KLRG1: variants seen among roughly 807,000 people sequenced by gnomAD.
The protein encoded by KLRG1 is killer cell lectin-like receptor subfamily G member 1.
KLRG1 carries 16 observed loss-of-function variants against 21.8 expected under a neutral mutation model. The ratio of observed to expected loss-of-function variants is 0.73; its 90% CI spans 0.50 to 1.11. The LOEUF is 1.11. KLRG1 is among the 50% of genes most tolerant of loss of function. The probability of loss-of-function intolerance (pLI) is 0.00; values close to 1 mark genes in which losing one functional copy is unlikely to be tolerated. For missense variants in KLRG1, 173 were observed against 218.3 expected (o/e 0.79, Z 1.31); for synonymous variants, 69 against 75.9 (o/e 0.91, Z 0.47).
intron 1 of KLRG1, among the ~76,000 whole-genome samples, chr12:8,962,736 A>G (rs1462950079): frequency 6.6e-6 from 1 of 151,550 alleles, no homozygotes; most frequent in Non-Finnish European, 1.5e-5. Flanking sequence ...AAAAAAAGAA[A>G]GAAAGAAAAA....
At chr12:9,002,964 A>G (rs748106818) in intron 3 of KLRG1, among the ~76,000 whole-genome samples, 2 of 150,724 alleles carry the variant, frequency 1.3e-5, no homozygotes, top group Admixed American at 1.3e-4. Context: ...GAGTACATAG[A>G]ATATAAGGTT....
the KLRG1 span, chr12:9,203,657 C>T: frequency 7.5e-7 from 1 of 1,331,634 alleles, no homozygotes; most frequent in Non-Finnish European, 1.0e-6. Context: ...GTCCTAACTA[C>T]ATTCTTAAAG....
At chr12:9,149,522 A>G in the KLRG1 span, 1 of 1,574,862 alleles carries the variant, frequency 6.3e-7, no homozygotes, top group Non-Finnish European at 8.7e-7. Context: ...AGAGTGGGTT[A>G]ATGCCATCTA....
the KLRG1 span, among the ~76,000 whole-genome samples, chr12:9,181,627 G>T: frequency 6.6e-6 from 1 of 152,140 alleles, no homozygotes; most frequent in East Asian, 1.9e-4. Flanking sequence ...TAGATTTTTA[G>T]ATGGCCATCT....
At chr12:9,107,689 C>G in the KLRG1 span, 1 of 1,603,126 alleles carries the variant, frequency 6.2e-7, no homozygotes, top group South Asian at 1.1e-5. Flanking sequence ...GACACTGAAC[C>G]TCCCCATTTT....
chr12:9,070,312 C>G, the KLRG1 span, among the ~76,000 whole-genome samples: 1 of 152,330 alleles, frequency 6.6e-6, no homozygotes, highest in East Asian at 1.9e-4. Flanking sequence ...TAGCACAGTG[C>G]TCTGCACATG....
At chr12:9,190,961 T>A in the KLRG1 span, among the ~76,000 whole-genome samples, 1 of 152,174 alleles carries the variant, frequency 6.6e-6, no homozygotes, top group East Asian at 1.9e-4. Flanking sequence ...TGGTGAAGAG[T>A]AAATCGGTAA....
the KLRG1 span, among the ~76,000 whole-genome samples, chr12:9,040,310 C>T: frequency 6.6e-6 from 1 of 152,136 alleles, no homozygotes; most frequent in Admixed American, 6.5e-5. Flanking sequence ...AGATAAATAC[C>T]ATGCTATCCA....
At chr12:8,966,886 TTA>T (rs1450880820) in intron 1 of KLRG1, among the ~76,000 whole-genome samples, 3 of 149,068 alleles carry the variant, frequency 2.0e-5, no homozygotes, top group Non-Finnish European at 3.0e-5. Context: ...ACATGCACAC[TTA>T]TGTTTATTGC....
chr12:9,049,101 GA>G, the KLRG1 span, among the ~76,000 whole-genome samples: 1 of 152,240 alleles, frequency 6.6e-6, no homozygotes, highest in Non-Finnish European at 1.5e-5. Context: ...TCTGGACAGA[GA>G]AAGGTCAGTG....
the KLRG1 span, among the ~76,000 whole-genome samples, chr12:9,134,825 G>A: frequency 6.6e-6 from 1 of 152,188 alleles, no homozygotes; most frequent in Non-Finnish European, 1.5e-5. Flanking sequence ...AGGGGTGGAG[G>A]CAGCTGGGGA....
the KLRG1 span, among the ~76,000 whole-genome samples, chr12:9,039,490 C>T: frequency 3.3e-5 from 5 of 152,100 alleles, no homozygotes; most frequent in Non-Finnish European, 7.4e-5. Flanking sequence ...CTGTTCATGG[C>T]CTTTTCCTCT....
chr12:9,160,085 G>C, the KLRG1 span: 7 of 1,487,424 alleles, frequency 4.7e-6, no homozygotes, highest in Non-Finnish European at 6.5e-6. Context: ...CCATCCATAT[G>C]TTTAGGCTCA....
the KLRG1 span, chr12:9,202,588 G>A: frequency 6.2e-7 from 1 of 1,614,088 alleles, no homozygotes; most frequent in Non-Finnish European, 8.5e-7. Context: ...TGGGTGTTCA[G>A]TACCAGAACT....
At chr12:9,161,822 T>C in the KLRG1 span, among the ~76,000 whole-genome samples, 2 of 152,364 alleles carry the variant, frequency 1.3e-5, no homozygotes, top group South Asian at 4.1e-4. Flanking sequence ...TAAATGTAAA[T>C]TATTTTCTAC....
chr12:9,110,113 A>G, the KLRG1 span: 1 of 1,480,816 alleles, frequency 6.8e-7, no homozygotes, highest in Non-Finnish European at 9.1e-7. Flanking sequence ...TGGAAACCCT[A>G]AGTTATCTAC....
At chr12:9,167,621 G>T in the KLRG1 span, 6 of 152,220 alleles carry the variant, frequency 3.9e-5, no homozygotes, top group East Asian at 1.2e-3. Context: ...TTCTTATCAA[G>T]AAATTTCACA....
chr12:8,985,156 T>C (rs1283389757), upstream of KLRG1, among the ~76,000 whole-genome samples: 2 of 127,080 alleles, frequency 1.6e-5, no homozygotes, highest in Non-Finnish European at 3.3e-5. Context: ...CTCTGGTCTA[T>C]GACAGTTTCT....
At chr12:9,046,876 A>C in the KLRG1 span, among the ~76,000 whole-genome samples, 7 of 152,062 alleles carry the variant, frequency 4.6e-5, no homozygotes, top group African/African-American at 1.7e-4. Flanking sequence ...TTTTTATGAG[A>C]CGGAGTCTTA....
Sources: allele counts gnomAD v4.1 joint callset (sites outside exome capture counted in the v4.1 genomes callset), GRCh38; gene constraint gnomAD v4.1.1; transcripts MANE v1.5; gene names NCBI Gene and HGNC (gene_info 2026-07-23, HGNC 2026-07-21).